The following ATOSA variants were observed in gnomAD, a reference collection of about 807,000 sequenced individuals.
ATOSA encodes atos homolog protein A.
chr15:52,667,276 A>G, the ATOSA span, among the ~76,000 whole-genome samples: 1 of 152,238 alleles, frequency 6.6e-6, no homozygotes, highest in Non-Finnish European at 1.5e-5. Flanking sequence ...TATTTACATG[A>G]TCTAATTTTT....
chr15:52,625,056 G>A, the ATOSA span, among the ~76,000 whole-genome samples: 1 of 152,068 alleles, frequency 6.6e-6, no homozygotes, highest in African/African-American at 2.4e-5. Flanking sequence ...TCGAATTACA[G>A]GTATGAGCCA....
the ATOSA span, among the ~76,000 whole-genome samples, chr15:52,615,272 A>C: frequency 1.3e-5 from 2 of 152,196 alleles, no homozygotes; most frequent in East Asian, 3.8e-4. Flanking sequence ...ATTTCTCATG[A>C]GTGCTCTTAG....
At chr15:52,655,834 T>C in the ATOSA span, among the ~76,000 whole-genome samples, 23 of 152,244 alleles carry the variant, frequency 1.5e-4, no homozygotes, top group Non-Finnish European at 1.6e-4. Flanking sequence ...TTTCCACTTA[T>C]AGGATGTGTT....
the ATOSA span, among the ~76,000 whole-genome samples, chr15:52,676,061 A>T: frequency 6.6e-6 from 1 of 152,320 alleles, no homozygotes; most frequent in Middle Eastern, 3.4e-3. Context: ...GGAACATAAA[A>T]ATCAGAATAA....
the ATOSA span, among the ~76,000 whole-genome samples, chr15:52,644,580 T>C: frequency 6.6e-6 from 1 of 152,244 alleles, no homozygotes; most frequent in Non-Finnish European, 1.5e-5. Context: ...TCACTGTATT[T>C]TGTTTTCTTA....
At chr15:52,595,183 A>G in the ATOSA span, among the ~76,000 whole-genome samples, 2 of 152,226 alleles carry the variant, frequency 1.3e-5, no homozygotes, top group African/African-American at 4.8e-5. Flanking sequence ...GAGATAGTAG[A>G]TACACAAGTA....
At chr15:52,654,724 T>A in the ATOSA span, among the ~76,000 whole-genome samples, 1 of 152,074 alleles carries the variant, frequency 6.6e-6, no homozygotes, top group Non-Finnish European at 1.5e-5. Flanking sequence ...AAATATAAAA[T>A]GGGAAAATTT....
At chr15:52,631,697 C>T in the ATOSA span, among the ~76,000 whole-genome samples, 1 of 152,086 alleles carries the variant, frequency 6.6e-6, no homozygotes, top group African/African-American at 2.4e-5. Flanking sequence ...AAGCTACTGA[C>T]GAAAAGTTAG....
chr15:52,609,721 G>A, the ATOSA span: 1 of 1,613,632 alleles, frequency 6.2e-7, no homozygotes, highest in Non-Finnish European at 8.5e-7. Flanking sequence ...AGACTCTTGA[G>A]TATTAAATGG....
the ATOSA span, chr15:52,629,547 TA>T: frequency 7.2e-6 from 2 of 276,834 alleles, no homozygotes; most frequent in Non-Finnish European, 1.4e-5. Context: ...CTCATGCCTG[TA>T]ATCCCAGCAC....
At chr15:52,609,805 C>T in the ATOSA span, 5 of 1,613,014 alleles carry the variant, frequency 3.1e-6, no homozygotes, top group Non-Finnish European at 4.2e-6. Context: ...GATTTCTTGC[C>T]GCTCCTGAAT....
the ATOSA span, chr15:52,613,676 G>A: frequency 6.2e-7 from 1 of 1,613,350 alleles, no homozygotes; most frequent in East Asian, 2.2e-5. Context: ...TTCTCACCTG[G>A]GCCAGCTTGT....
At chr15:52,677,467 AG>A in the ATOSA span, among the ~76,000 whole-genome samples, 2 of 152,366 alleles carry the variant, frequency 1.3e-5, no homozygotes, top group African/African-American at 4.8e-5. Flanking sequence ...ACTTATCACC[AG>A]GGATTTCAGT....
the ATOSA span, chr15:52,601,302 A>G: frequency 1.7e-6 from 1 of 587,952 alleles, no homozygotes; most frequent in South Asian, 2.4e-5. Flanking sequence ...CTTATTTAAA[A>G]TCATGCTGTT....
chr15:52,608,751 ATTAAG>A, the ATOSA span: 17 of 1,609,066 alleles, frequency 1.1e-5, no homozygotes, highest in Admixed American at 1.7e-5. Flanking sequence ...TCTCTATGCT[ATTAAG>A]TTGAGTATTT....
chr15:52,663,580 A>G, the ATOSA span, among the ~76,000 whole-genome samples: 1 of 147,160 alleles, frequency 6.8e-6, no homozygotes, highest in Non-Finnish European at 1.5e-5. Context: ...AGAGTTGTAC[A>G]TATTGTTAAG....
At chr15:52,637,335 G>A in the ATOSA span, among the ~76,000 whole-genome samples, 1 of 151,820 alleles carries the variant, frequency 6.6e-6, no homozygotes, top group East Asian at 1.9e-4. Flanking sequence ...AAAGAATGAG[G>A]AATAAAAGGA....
the ATOSA span, among the ~76,000 whole-genome samples, chr15:52,704,907 G>A: frequency 6.6e-6 from 1 of 152,182 alleles, no homozygotes; most frequent in African/African-American, 2.4e-5. Flanking sequence ...CTGTTGGTGG[G>A]AGTGTAAATT....
At chr15:52,626,337 A>C in the ATOSA span, among the ~76,000 whole-genome samples, 1 of 152,204 alleles carries the variant, frequency 6.6e-6, no homozygotes, top group Non-Finnish European at 1.5e-5. Flanking sequence ...CAACAAGAGG[A>C]TATCCAACTT....
Sources: gnomAD v4.1 joint callset for allele counts (sites outside exome capture counted in the v4.1 genomes callset) on GRCh38, gnomAD v4.1.1 for gene constraint, MANE v1.5 for transcripts, NCBI Gene and HGNC (gene_info 2026-07-23, HGNC 2026-07-21) for gene names.